Variants in TENM4 observed in about 807,000 individuals in gnomAD.
The protein encoded by TENM4 is teneurin-4.
TENM4 carries 82 observed loss-of-function variants against 243.3 expected under a neutral mutation model. That is an observed-to-expected ratio of 0.34 (90% CI 0.28 to 0.40). The LOEUF is 0.40. TENM4 is among the 10% of genes least tolerant of loss of function. The probability of loss-of-function intolerance (pLI) is 1.00; values close to 1 mark genes in which losing one functional copy is unlikely to be tolerated. For missense variants in TENM4, 3,138 were observed against 3,673.3 expected, an observed-to-expected ratio of 0.85 and a Z score of 3.77; for synonymous variants, 1,412 against 1,456.3, an observed-to-expected ratio of 0.97 and a Z score of 0.69.
intron 4 of TENM4, among the ~76,000 whole-genome samples, chr11:79,142,991 A>G (rs1207104757): frequency 1.3e-5 from 2 of 152,142 alleles, no homozygotes; most frequent in African/African-American, 4.8e-5. Context: ...ATCTCACACC[A>G]GTTAGAATGG....
chr11:78,722,889 G>T lies in TENM4; in HGVS notation c.3579C>A (p.Asn1193Lys). ...CAGGAGGCTGCTGAGACACAAACTG[G>T]TTCTCCCCATTCCCTTTGTGCAGGA... ...SGILHKGNGENQFVSQQPPVI... is the reference protein window; with the variant it reads ...SGILHKGNGEKQFVSQQPPVI... Residue 1193 changes from asparagine to lysine, a missense_variant, in exon 24 of 34, where the codon AAC (asparagine) becomes AAA (lysine). Asn to Lys is a moderately conservative substitution (Grantham distance 94). Coordinates refer to ENST00000278550, the MANE Select transcript of TENM4 (RefSeq NM_001098816.3). 1 of 1,614,036 alleles carries T rather than the reference G, an allele frequency of 6.2e-7. No individual in the cohort carries two copies. The highest frequency in any genetic ancestry group is 1.1e-5 in the South Asian group (1 of 91,078).
intron 3 of TENM4, among the ~76,000 whole-genome samples, chr11:79,200,499 G>T (rs115052978): frequency 3.1e-3 from 471 of 152,332 alleles, no homozygotes; most frequent in African/African-American, 0.011. Context: ...CCCAGGAAGG[G>T]CAAGGGTCAT....
At chr11:79,052,723 G>A (rs1859830893) in intron 6 of TENM4, among the ~76,000 whole-genome samples, 1 of 152,178 alleles carries the variant, frequency 6.6e-6, no homozygotes, top group African/African-American at 2.4e-5. Context: ...CCATCTGCTG[G>A]CCTCTCAGCC....
At chr11:79,377,163 C>A (rs1857908050) in intron 1 of TENM4, among the ~76,000 whole-genome samples, 1 of 152,188 alleles carries the variant, frequency 6.6e-6, no homozygotes, top group African/African-American at 2.4e-5. Context: ...CCACCAGAAA[C>A]TGGAAGAGGC....
At chr11:78,946,236 A>G (rs1200194148) in intron 6 of TENM4, among the ~76,000 whole-genome samples, 1 of 152,246 alleles carries the variant, frequency 6.6e-6, no homozygotes, top group African/African-American at 2.4e-5. Context: ...AGTTGAAGGC[A>G]GTGCTCATTT....
intron 1 of TENM4, among the ~76,000 whole-genome samples, chr11:79,381,861 C>G (rs1565323239): frequency 6.6e-6 from 1 of 151,938 alleles, no homozygotes; most frequent in South Asian, 2.1e-4. Flanking sequence ...GGATCTGGAC[C>G]AAGGCCGTCC....
chr11:78,826,777 A>G (rs1258521181), intron 12 of TENM4, among the ~76,000 whole-genome samples: 3 of 152,232 alleles, frequency 2.0e-5, no homozygotes, highest in African/African-American at 4.8e-5. Context: ...GTTGGCTTTC[A>G]TATATCTATT....
At chr11:78,898,676 A>C (rs975039972) in intron 7 of TENM4, among the ~76,000 whole-genome samples, 1 of 152,162 alleles carries the variant, frequency 6.6e-6, no homozygotes, top group African/African-American at 2.4e-5. Flanking sequence ...TTAAGTATAC[A>C]TATTCATTCA....
In TENM4 at chr11:78,806,634, C is replaced by T. The variant is rs546949542; in HGVS notation, c.1979-1142G>A. ...GCTCTGAGAGGTAAATAATTTATGC[C>T]AGATCACACAGCTAAACTCTGCCAG... On this transcript the variant is annotated intron_variant, in intron 14 of 33. Transcript: ENST00000278550. Among the ~76,000 whole-genome samples the T allele has an allele frequency of 5.3e-5, 8 of 152,334 alleles. No individual in the cohort carries two copies. The East Asian group carries it at 1.5e-3, about 29-fold the overall frequency.
At chr11:79,204,162 TG>T (rs917034433) in intron 3 of TENM4, among the ~76,000 whole-genome samples, 2 of 152,118 alleles carry the variant, frequency 1.3e-5, no homozygotes, top group Non-Finnish European at 2.9e-5. Flanking sequence ...TGGGTTCTTT[TG>T]GGGTGAATAA....
At chr11:78,908,874 G>A (rs988438401) in intron 6 of TENM4, among the ~76,000 whole-genome samples, 1 of 152,202 alleles carries the variant, frequency 6.6e-6, no homozygotes, top group Non-Finnish European at 1.5e-5. Flanking sequence ...ACAGCCCCTT[G>A]TTGTATGCAG....
rs1359009805 is a variant in TENM4 at position 78,701,838 on chromosome 11, G to T, written c.4775C>A (p.Thr1592Asn). 6.8e-6 allele frequency: 11 copies of T among 1,613,902 alleles called. No homozygotes were observed. Among genetic ancestry groups the T allele is most frequent in the Non-Finnish European group, 9.3e-6 (11 of 1,179,892 alleles). ...IDQELYLFDT[T>N]GKHLYTQSLP... ...GCTTTGGGTGTACAGGTGCTTGCCG[G>T]TGGTATCAAACAGATAGAGCTCCTG... is the stretch of plus-strand genomic sequence containing the variant. Residue 1592 changes from threonine to asparagine, a missense_variant, in exon 28 of 34, where the codon ACC becomes AAC. Thr to Asn is a moderately conservative substitution (Grantham distance 65, BLOSUM62 0). Transcript: ENST00000278550.
intron 3 of TENM4, among the ~76,000 whole-genome samples, chr11:79,190,220 A>G (rs560214697): frequency 3.9e-5 from 6 of 152,318 alleles, no homozygotes; most frequent in African/African-American, 1.4e-4. Context: ...TCGCTTAGAC[A>G]CAAACTCCCG....
At chr11:78,894,966 C>T (rs182003713) in intron 7 of TENM4, among the ~76,000 whole-genome samples, 2 of 121,076 alleles carry the variant, frequency 1.7e-5, no homozygotes, top group Admixed American at 1.1e-4. Flanking sequence ...TCCGGTCCAA[C>T]GAGACTCGGC....
At chr11:79,198,523 T>C (rs1015882195) in intron 3 of TENM4, among the ~76,000 whole-genome samples, 9 of 152,122 alleles carry the variant, frequency 5.9e-5, no homozygotes, top group African/African-American at 2.2e-4. Flanking sequence ...TTTCCTCCCC[T>C]CTAAAATGAG....
At chr11:79,328,681 G>C (rs1857013189) in intron 1 of TENM4, among the ~76,000 whole-genome samples, 1 of 152,170 alleles carries the variant, frequency 6.6e-6, no homozygotes. Context: ...TGGACGAGGG[G>C]ATCATCTTCT....
intron 6 of TENM4, among the ~76,000 whole-genome samples, chr11:79,020,958 C>A (rs541603840): frequency 3.3e-5 from 5 of 152,192 alleles, no homozygotes; most frequent in Non-Finnish European, 7.3e-5. Flanking sequence ...AGCTGCACAC[C>A]TAATAGAATG....
intron 6 of TENM4, among the ~76,000 whole-genome samples, chr11:79,022,838 G>C (rs1858971604): frequency 6.6e-6 from 1 of 152,190 alleles, no homozygotes; most frequent in African/African-American, 2.4e-5. Context: ...GATGGTAGCA[G>C]CAACCACCAT....
intron 15 of TENM4, among the ~76,000 whole-genome samples, chr11:78,795,319 C>T (rs916914528): frequency 6.6e-6 from 1 of 152,184 alleles, no homozygotes; most frequent in African/African-American, 2.4e-5. Flanking sequence ...AACATGTCTT[C>T]TGACTGTATC....
Sources: allele counts gnomAD v4.1 joint callset (sites outside exome capture counted in the v4.1 genomes callset), GRCh38; gene constraint gnomAD v4.1.1; transcripts MANE v1.5; gene names NCBI Gene and HGNC (gene_info 2026-07-23, HGNC 2026-07-21).